The following RBFOX1 variants were observed in gnomAD, a reference collection of about 807,000 sequenced individuals.
The protein encoded by RBFOX1 is RNA binding protein fox-1 homolog 1.
Under a neutral mutation model 57.7 loss-of-function variants are expected in RBFOX1, and 8 were observed. The observed-to-expected ratio is 0.14, with a 90% CI of 0.08 to 0.25. The LOEUF (loss-of-function observed/expected upper bound fraction) is 0.25, where lower values mean the gene tolerates loss of function less well. Among genes scored for constraint, RBFOX1 ranks in the 10% least tolerant of loss-of-function variants. RBFOX1 has a pLI of 1.00. For synonymous variants in RBFOX1, 326 were observed against 222.4 expected (o/e 1.47, Z -4.15); for missense variants, 611 against 548.5 (o/e 1.11, Z -1.14).
chr16:6,411,500 T>C (rs974450462), intron 2 of RBFOX1, among the ~76,000 whole-genome samples: 2 of 152,236 alleles, frequency 1.3e-5, no homozygotes, highest in African/African-American at 4.8e-5. Flanking sequence ...TAGAAAACTT[T>C]GAACTTCATA....
At chr16:6,023,243 T>C (rs1338848701) in intron 1 of RBFOX1, among the ~76,000 whole-genome samples, 1 of 144,794 alleles carries the variant, frequency 6.9e-6, no homozygotes, top group Non-Finnish European at 1.5e-5. Context: ...CTCTGCCCTA[T>C]TTTTCTTCTC....
intron 3 of RBFOX1, among the ~76,000 whole-genome samples, chr16:5,690,144 C>T (rs2050628977): frequency 6.6e-6 from 1 of 152,182 alleles, no homozygotes; most frequent in African/African-American, 2.4e-5. Context: ...TTTTATTTTC[C>T]CTGAAAAGGA....
At chr16:7,242,900 G>C (rs1287454603) in intron 4 of RBFOX1, among the ~76,000 whole-genome samples, 1 of 152,092 alleles carries the variant, frequency 6.6e-6, no homozygotes, top group South Asian at 2.1e-4. Context: ...AGTGCCTCTC[G>C]ACATTTTCAT....
chr16:7,622,891 G>A (rs2059527525), intron 10 of RBFOX1, among the ~76,000 whole-genome samples: 1 of 152,086 alleles, frequency 6.6e-6, no homozygotes, highest in Non-Finnish European at 1.5e-5. Context: ...AAAGCATTAG[G>A]GATTAACTGT....
At chr16:6,582,491 T>C (rs1034983401) in intron 2 of RBFOX1, among the ~76,000 whole-genome samples, 5 of 150,136 alleles carry the variant, frequency 3.3e-5, no homozygotes, top group Non-Finnish European at 7.4e-5. Flanking sequence ...TTAGATGCCC[T>C]TGGACCTCAA....
intron 2 of RBFOX1, among the ~76,000 whole-genome samples, chr16:6,522,330 T>A (rs895290914): frequency 6.6e-6 from 1 of 152,170 alleles, no homozygotes; most frequent in African/African-American, 2.4e-5. Context: ...CCAGAGATGA[T>A]ATTTGTTAAA....
intron 4 of RBFOX1, among the ~76,000 whole-genome samples, chr16:5,953,542 C>T (rs1001515756): frequency 6.6e-6 from 1 of 152,018 alleles, no homozygotes; most frequent in African/African-American, 2.4e-5. Context: ...ATTCTTATGC[C>T]TTTGCATCCT....
intron 1 of RBFOX1, among the ~76,000 whole-genome samples, chr16:6,310,149 G>A (rs2080069164): frequency 6.6e-6 from 1 of 152,214 alleles, no homozygotes; most frequent in Non-Finnish European, 1.5e-5. Context: ...GCCTACGAAA[G>A]TGCTGGGATT....
At chr16:6,194,358 T>C (rs1174414021) in intron 1 of RBFOX1, among the ~76,000 whole-genome samples, 1 of 152,124 alleles carries the variant, frequency 6.6e-6, no homozygotes, top group Non-Finnish European at 1.5e-5. Context: ...AAATCCCTCA[T>C]GCTTGAAAAT....
intron 3 of RBFOX1, among the ~76,000 whole-genome samples, chr16:5,817,170 C>A (rs1019271461): frequency 6.6e-6 from 1 of 152,038 alleles, no homozygotes; most frequent in Non-Finnish European, 1.5e-5. Context: ...CACTCTCTCT[C>A]TATCTCTCTG....
At chr16:5,499,555 C>G (rs535775238) in intron 2 of RBFOX1, among the ~76,000 whole-genome samples, 2 of 152,090 alleles carry the variant, frequency 1.3e-5, no homozygotes, top group East Asian at 3.9e-4. Context: ...GCAGGTTTTT[C>G]TTTTTCTTTT....
chr16:6,377,840 C>T (rs745473155), intron 2 of RBFOX1, among the ~76,000 whole-genome samples: 3 of 152,254 alleles, frequency 2.0e-5, no homozygotes, highest in African/African-American at 4.8e-5. Flanking sequence ...GCTTCCCCAA[C>T]GTGGATTCCC....
At position 6,095,581 on chromosome 16, in the gene RBFOX1, C is replaced by T. The variant is rs181671892; in HGVS notation, c.-127+75589C>T. Among the ~76,000 whole-genome samples the T allele has an allele frequency of 2.2e-4, 33 of 152,208 alleles. No individual in the cohort carries two copies. The South Asian group carries it at 2.3e-3, about 11-fold the overall frequency. ...TCTGCCATTCATCTAGGAAGGCAGA[C>T]GCCTCTAACAAGTTTGAACCTGATA... On this transcript the variant is annotated intron_variant, in intron 1 of 15. Coordinates refer to ENST00000550418, the MANE Select transcript of RBFOX1 (RefSeq NM_018723.4).
intron 2 of RBFOX1, among the ~76,000 whole-genome samples, chr16:6,356,649 G>T (rs1396248246): frequency 6.6e-6 from 1 of 152,136 alleles, no homozygotes; most frequent in African/African-American, 2.4e-5. Flanking sequence ...GCCAAGAGAA[G>T]CGTAGGGAGA....
At position 5,945,893 on chromosome 16, in the gene RBFOX1, C is replaced by G. The variant is rs775708389; in HGVS notation, c.351+78558C>G. Among the ~76,000 whole-genome samples the G allele has an allele frequency of 8.5e-4, 130 of 152,302 alleles. 1 individual carries two copies. The highest frequency in any genetic ancestry group is 3.4e-3 in the Middle Eastern group (1 of 294). On this transcript the variant is annotated intron_variant, in intron 4 of 19. Coordinates refer to the RBFOX1 transcript ENST00000641259. ...TTTCAAAGCCCCTCCCACAGGGTGT[C>G]TGACACTGAGCCACTCCATGCCATG...
Position 7,223,556 on chromosome 16 carries a change from A to C in RBFOX1, c.27+171458A>C, listed in dbSNP as rs192763145. On this transcript the variant is annotated intron_variant, in intron 4 of 15. Coordinates refer to ENST00000550418, the MANE Select transcript of RBFOX1 (RefSeq NM_018723.4). ...ACTCCAAATTTTCAGGGGCATTTGC[A>C]CAGCCAGTAATTGTGCAGGAGATCC... 7.2e-5 allele frequency among the ~76,000 whole-genome samples: 11 copies of C among 152,320 alleles called. No homozygotes were observed. The South Asian group carries it at 1.0e-3, about 14-fold the overall frequency.
chr16:7,128,465 G>A (rs1483816715), intron 4 of RBFOX1, among the ~76,000 whole-genome samples: 2 of 152,212 alleles, frequency 1.3e-5, no homozygotes, highest in Non-Finnish European at 2.9e-5. Flanking sequence ...GGTGACATCA[G>A]CGGGGATAGT....
At chr16:7,275,913 C>G (rs2095431153) in intron 4 of RBFOX1, among the ~76,000 whole-genome samples, 1 of 152,200 alleles carries the variant, frequency 6.6e-6, no homozygotes, top group Non-Finnish European at 1.5e-5. Flanking sequence ...CTTGGTGTTG[C>G]TGACTCCCCT....
At chr16:7,380,467 C>T (rs2097766498) in intron 4 of RBFOX1, among the ~76,000 whole-genome samples, 1 of 152,206 alleles carries the variant, frequency 6.6e-6, no homozygotes, top group Non-Finnish European at 1.5e-5. Flanking sequence ...AATGTTGGCA[C>T]ATATAAATTA....
Sources: allele counts gnomAD v4.1 joint callset (sites outside exome capture counted in the v4.1 genomes callset), GRCh38; gene constraint gnomAD v4.1.1; transcripts MANE v1.5; gene names NCBI Gene and HGNC (gene_info 2026-07-23, HGNC 2026-07-21).